SMYD2: variants seen among roughly 807,000 people sequenced by gnomAD.
SMYD2 encodes SET and MYND domain containing 2.
SMYD2 carries 53 observed loss-of-function variants against 59.1 expected under a neutral mutation model. The observed-to-expected ratio is 0.90, with a 90% CI of 0.72 to 1.13. The LOEUF (loss-of-function observed/expected upper bound fraction) is 1.13. Among genes scored for constraint, SMYD2 ranks in the 50% most tolerant of loss-of-function variants. SMYD2 has a pLI of 0.00. For synonymous variants in SMYD2, 208 were observed against 198.8 expected (o/e 1.05, Z -0.39); for missense variants, 494 against 544.7 (o/e 0.91, Z 0.93).
At chr1:214,288,757 A>G (rs193093984) in intron 1 of SMYD2, among the ~76,000 whole-genome samples, 67 of 152,298 alleles carry the variant, frequency 4.4e-4, no homozygotes, top group Non-Finnish European at 8.4e-4. Flanking sequence ...ATATTCTTTT[A>G]TATGTATGAA....
At chr1:214,284,581 T>G (rs1656503645) in intron 1 of SMYD2, among the ~76,000 whole-genome samples, 2 of 150,974 alleles carry the variant, frequency 1.3e-5, no homozygotes, top group Admixed American at 6.6e-5. Flanking sequence ...TTTTTTTTTT[T>G]GAAACAGTCT....
intron 7 of SMYD2, among the ~76,000 whole-genome samples, chr1:214,328,267 C>A (rs1346950762): frequency 6.6e-6 from 1 of 152,190 alleles, no homozygotes; most frequent in Non-Finnish European, 1.5e-5. Flanking sequence ...AGTTCCACAT[C>A]TGAACTTCAG....
chr1:214,293,589 G>A (rs7544984), intron 1 of SMYD2, among the ~76,000 whole-genome samples: 73,170 of 152,022 alleles, frequency 0.48, 18,993 homozygotes, highest in African/African-American at 0.68. Context: ...TCTGCTCTCA[G>A]TTCCAGGTCG....
chr1:214,325,966 G>A (rs1657254379), intron 6 of SMYD2, among the ~76,000 whole-genome samples: 1 of 151,864 alleles, frequency 6.6e-6, no homozygotes, highest in Non-Finnish European at 1.5e-5. Flanking sequence ...CCTTACAGGT[G>A]TGGTGGCTCA....
intron 1 of SMYD2, among the ~76,000 whole-genome samples, chr1:214,304,677 C>A (rs1216134830): frequency 6.6e-6 from 1 of 150,784 alleles, no homozygotes; most frequent in South Asian, 2.1e-4. Context: ...CTTTGCATTT[C>A]TTGCAATTTC....
chr1:214,284,254 G>GTTTTTTTTTTTTTTTT (rs34049644), intron 1 of SMYD2, among the ~76,000 whole-genome samples: 1 of 90,364 alleles, frequency 1.1e-5, no homozygotes, highest in Non-Finnish European at 2.0e-5. Context: ...TTTTGGTGTG[G>GTTTTTTTTTTTTTTTT]TTTTTTTTTT....
intron 1 of SMYD2, among the ~76,000 whole-genome samples, chr1:214,303,937 C>T (rs1180796919): frequency 6.6e-6 from 1 of 152,156 alleles, no homozygotes; most frequent in Admixed American, 6.5e-5. Flanking sequence ...GGCAAGAGTT[C>T]GACAGCAGGT....
chr1:214,334,092 G>A, intron 10 of SMYD2, 108 bp from the exon 11 acceptor site: 1 of 918,160 alleles, frequency 1.1e-6, no homozygotes, highest in Non-Finnish European at 1.7e-6. Flanking sequence ...GCCGCTGGTG[G>A]GCAGAGGTTG....
Position 214,336,568 on chromosome 1 carries a change from G to A in SMYD2, c.1222-136G>A. 6.5e-6 allele frequency: 4 copies of A among 615,088 alleles called. No homozygotes were observed. In the South Asian group the frequency reaches 7.4e-5, roughly 11 times the overall value. 38.1% of individuals were successfully genotyped at this position (615,088 alleles called of 1,614,324 possible). On this transcript the variant is annotated intron_variant, in intron 11 of 11. Coordinates refer to ENST00000366957, the MANE Select transcript of SMYD2 (RefSeq NM_020197.3). ...ATAAATTAAAATAAAAACAGGTCCT[G>A]GTGGAGAACATAGGCTCTAATGGCC... is the stretch of plus-strand genomic sequence containing the variant.
chr1:214,330,816 C>T (rs1657340117), intron 8 of SMYD2, 134 bp from the exon 9 acceptor site: 1 of 1,353,616 alleles, frequency 7.4e-7, no homozygotes, highest in Admixed American at 2.2e-5. Context: ...TGCCTGATTT[C>T]CTTTCATTCT....
intron 6 of SMYD2, 62 bp from the exon 7 acceptor site, chr1:214,327,560 A>G: frequency 1.5e-6 from 2 of 1,328,158 alleles, no homozygotes; most frequent in Admixed American, 3.4e-5. Context: ...GTAAGTAGTG[A>G]AGGAAGCTAA....
chr1:214,325,340 C>A (rs1199133540), intron 6 of SMYD2, among the ~76,000 whole-genome samples: 1 of 152,242 alleles, frequency 6.6e-6, no homozygotes, highest in Non-Finnish European at 1.5e-5. Context: ...TTGTCTGTCT[C>A]ATGGAGTGAG....
chr1:214,285,018 G>C (rs542715722), intron 1 of SMYD2, among the ~76,000 whole-genome samples: 1 of 152,174 alleles, frequency 6.6e-6, no homozygotes, highest in East Asian at 1.9e-4. Context: ...TGTTTGTTCT[G>C]AGTGTAGGGG....
At chr1:214,298,819 T>C (rs936782388) in intron 1 of SMYD2, among the ~76,000 whole-genome samples, 1 of 152,122 alleles carries the variant, frequency 6.6e-6, no homozygotes, top group Non-Finnish European at 1.5e-5. Flanking sequence ...TGAGAAACCA[T>C]CTCACATCAG....
At chr1:214,284,593 G>T (rs1167471708) in intron 1 of SMYD2, among the ~76,000 whole-genome samples, 20 of 132,862 alleles carry the variant, frequency 1.5e-4, no homozygotes, top group African/African-American at 5.8e-4. Flanking sequence ...AAACAGTCTC[G>T]TCTCACTCTG....
intron 3 of SMYD2, 39 bp downstream of exon 3, chr1:214,314,911 G>A (rs372570011): frequency 2.8e-5 from 42 of 1,518,964 alleles, no homozygotes; most frequent in South Asian, 2.2e-4. Context: ...ATTTTATTTT[G>A]TTTTTCTTTT....
At chr1:214,329,214 T>TC (rs1558057706) in intron 7 of SMYD2, among the ~76,000 whole-genome samples, 1 of 152,118 alleles carries the variant, frequency 6.6e-6, no homozygotes, top group African/African-American at 2.4e-5. Flanking sequence ...GAAACCCCAT[T>TC]CCCCAGGGTT....
At chr1:214,293,973 G>A in intron 1 of SMYD2, among the ~76,000 whole-genome samples, 1 of 151,622 alleles carries the variant, frequency 6.6e-6, no homozygotes, top group East Asian at 1.9e-4. Context: ...ACCGTGCCCA[G>A]CCACTCATTT....
At position 214,331,024 on chromosome 1, in the gene SMYD2, T is replaced by C. The variant is rs753727813; in HGVS notation, c.891T>C (p.Tyr297=). The part of the protein sequence containing the change: ...KAEAIRDMVR[Y]ARNVIEEFRR... ...AAGCCATCCGAGACATGGTCAGATA[T>C]GCACGCAACGTCATTGAAGAGTTCC... Residue 297 remains tyrosine, a synonymous_variant, in exon 9 of 12, where the codon TAT becomes TAC. Coordinates refer to ENST00000366957, the MANE Select transcript of SMYD2 (RefSeq NM_020197.3). 2 of 1,614,208 alleles carry C rather than the reference T, an allele frequency of 1.2e-6. No homozygotes were observed. Among genetic ancestry groups the C allele is most frequent in the Non-Finnish European group, 1.7e-6 (2 of 1,180,038 alleles).
Sources: gnomAD v4.1 joint callset for allele counts (sites outside exome capture counted in the v4.1 genomes callset) on GRCh38, gnomAD v4.1.1 for gene constraint, MANE v1.5 for transcripts, NCBI Gene and HGNC (gene_info 2026-07-23, HGNC 2026-07-21) for gene names.